Variants in HYCC2 observed in about 807,000 individuals in gnomAD.
HYCC2 encodes the protein hyccin 2.
the HYCC2 span, chr2:200,974,745 C>A: frequency 6.6e-6 from 1 of 150,978 alleles, no homozygotes; most frequent in Non-Finnish European, 1.5e-5. Context: ...CCATGATTTC[C>A]AAAAAAAATT....
the HYCC2 span, chr2:201,063,974 T>G: frequency 6.3e-7 from 1 of 1,597,660 alleles, no homozygotes; most frequent in South Asian, 1.1e-5. Context: ...AGGCCAATAC[T>G]TTGCAAAACC....
At chr2:201,033,490 G>A in the HYCC2 span, among the ~76,000 whole-genome samples, 16 of 151,490 alleles carry the variant, frequency 1.1e-4, no homozygotes, top group East Asian at 5.8e-4. Flanking sequence ...TGCAAGCTCC[G>A]CCTCCCGGGT....
At chr2:201,058,706 G>GA in the HYCC2 span, among the ~76,000 whole-genome samples, 15 of 150,472 alleles carry the variant, frequency 1.0e-4, no homozygotes, top group African/African-American at 2.7e-4. Flanking sequence ...CCCATCTCAA[G>GA]AAAAAAAAAG....
the HYCC2 span, among the ~76,000 whole-genome samples, chr2:201,020,533 T>C: frequency 7.2e-5 from 11 of 152,190 alleles, no homozygotes; most frequent in Non-Finnish European, 1.5e-4. Flanking sequence ...GAATAGAATA[T>C]GGTTGTTTAT....
the HYCC2 span, among the ~76,000 whole-genome samples, chr2:201,005,016 C>CA: frequency 0.29 from 15,973 of 55,894 alleles, 1,825 homozygotes; most frequent in African/African-American, 0.34. Flanking sequence ...GACTCCATCT[C>CA]AAAAAAAAAA....
the HYCC2 span, among the ~76,000 whole-genome samples, chr2:201,005,284 G>T: frequency 6.6e-6 from 1 of 152,106 alleles, no homozygotes; most frequent in Admixed American, 6.6e-5. Context: ...TTTTTCTGGG[G>T]GGGTTTGGGA....
At chr2:201,028,238 C>T in the HYCC2 span, among the ~76,000 whole-genome samples, 502 of 152,134 alleles carry the variant, frequency 3.3e-3, 2 homozygotes, top group African/African-American at 0.011. Context: ...GAATAAAATA[C>T]CTAGGAATCC....
At chr2:201,026,498 C>G in the HYCC2 span, among the ~76,000 whole-genome samples, 2 of 152,324 alleles carry the variant, frequency 1.3e-5, no homozygotes, top group African/African-American at 2.4e-5. Flanking sequence ...CACCCCAAAT[C>G]AACAGAATAT....
chr2:200,997,642 C>A, the HYCC2 span: 1 of 705,878 alleles, frequency 1.4e-6, no homozygotes, highest in Admixed American at 2.4e-5. Context: ...ATTTCTTAAT[C>A]AAATCAATAT....
At chr2:201,068,106 G>A in the HYCC2 span, among the ~76,000 whole-genome samples, 1 of 152,094 alleles carries the variant, frequency 6.6e-6, no homozygotes, top group Non-Finnish European at 1.5e-5. Context: ...CCAACTTGGA[G>A]AAATCCCGTC....
chr2:201,009,039 T>C, the HYCC2 span: 1 of 1,614,066 alleles, frequency 6.2e-7, no homozygotes, highest in Non-Finnish European at 8.5e-7. Flanking sequence ...GATGAGATCA[T>C]GCTGACACAA....
At chr2:201,060,055 G>GC in the HYCC2 span, among the ~76,000 whole-genome samples, 1 of 85,754 alleles carries the variant, frequency 1.2e-5, no homozygotes, top group Non-Finnish European at 2.3e-5. Flanking sequence ...AAAAAAAAGC[G>GC]GGGGGGGGGG....
chr2:201,022,546 C>A, the HYCC2 span: 1 of 245,258 alleles, frequency 4.1e-6, no homozygotes, highest in South Asian at 6.3e-5. Flanking sequence ...CATTCCAGAA[C>A]AGGAAACAGA....
At chr2:201,042,038 G>C in the HYCC2 span, among the ~76,000 whole-genome samples, 1 of 152,106 alleles carries the variant, frequency 6.6e-6, no homozygotes, top group Admixed American at 6.5e-5. Context: ...CGCCATCTCG[G>C]CTCACTGCAG....
At chr2:201,044,786 T>C in the HYCC2 span, among the ~76,000 whole-genome samples, 10 of 152,172 alleles carry the variant, frequency 6.6e-5, no homozygotes, top group Admixed American at 1.3e-4. Flanking sequence ...TTTTCCTTTA[T>C]AGTACAGAGA....
At chr2:201,016,968 C>T in the HYCC2 span, 2 of 1,601,718 alleles carry the variant, frequency 1.2e-6, no homozygotes, top group African/African-American at 2.7e-5. Flanking sequence ...TTAAAATTTC[C>T]CAAACTGTCA....
At chr2:201,015,936 A>G in the HYCC2 span, among the ~76,000 whole-genome samples, 9 of 152,334 alleles carry the variant, frequency 5.9e-5, no homozygotes, top group East Asian at 5.8e-4. Flanking sequence ...GCCTGCCATG[A>G]TAACTTCAGC....
the HYCC2 span, among the ~76,000 whole-genome samples, chr2:201,042,853 G>C: frequency 6.7e-6 from 1 of 148,772 alleles, no homozygotes; most frequent in Non-Finnish European, 1.5e-5. Flanking sequence ...CGTCTGGGAG[G>C]TGGGGGGGCC....
the HYCC2 span, among the ~76,000 whole-genome samples, chr2:201,032,473 C>T: frequency 6.6e-6 from 1 of 151,900 alleles, no homozygotes; most frequent in South Asian, 2.1e-4. Context: ...CTGAGTTATC[C>T]CACAGAGAAG....
Sources: gnomAD v4.1 joint callset for allele counts (sites outside exome capture counted in the v4.1 genomes callset) on GRCh38, gnomAD v4.1.1 for gene constraint, MANE v1.5 for transcripts, NCBI Gene and HGNC (gene_info 2026-07-23, HGNC 2026-07-21) for gene names.